Variants in HLA-DRB1 observed in about 807,000 individuals in gnomAD.
HLA-DRB1 encodes the protein major histocompatibility complex, class II, DR beta 1, also known as major histocompatibility complex, class II, DR beta 1 precursor.
Under a neutral mutation model 27.9 loss-of-function variants are expected in HLA-DRB1, and 10 were observed. That is an observed-to-expected ratio of 0.36 (90% confidence interval 0.22 to 0.61). The LOEUF (loss-of-function observed/expected upper bound fraction) is 0.61. HLA-DRB1 is among the 20% of genes least tolerant of loss of function. The pLI, the probability that HLA-DRB1 is intolerant of heterozygous loss-of-function variation, is 0.73. For missense variants in HLA-DRB1, 118 were observed against 306.3 expected (o/e 0.39, Z 4.59); for synonymous variants, 57 against 126.7 (o/e 0.45, Z 3.69).
At chr6:32,584,464 G>A in intron 1 of HLA-DRB1, 86 bp from the exon 2 acceptor site, 1 of 622,868 alleles carries the variant, frequency 1.6e-6, no homozygotes, top group South Asian at 1.9e-5. Flanking sequence ...TCCCTGAGCG[G>A]GGTGCGGGCG....
At chr6:32,587,957 G>T (rs1208383848) in intron 1 of HLA-DRB1, among the ~76,000 whole-genome samples, 2 of 141,842 alleles carry the variant, frequency 1.4e-5, no homozygotes, top group African/African-American at 2.6e-5. Context: ...ATAAACCAGG[G>T]TATGGGAACT....
At position 32,581,110 on chromosome 6, in the gene HLA-DRB1, T is replaced by C. The variant is rs28732303; in HGVS notation, c.653-254A>G. On this transcript the variant is annotated intron_variant, in intron 3 of 5. Coordinates refer to ENST00000360004, the Ensembl canonical transcript of HLA-DRB1. ...ATCTGATCCACAGAAAGCCTGAGACTCAATGAGGATAAGTAGTTTGTCTAG... is the reference window on the plus strand; with the variant it reads ...ATCTGATCCACAGAAAGCCTGAGACCCAATGAGGATAAGTAGTTTGTCTAG... 4.4e-3 allele frequency among the ~76,000 whole-genome samples: 331 copies of C among 75,508 alleles called. 1 individual carries two copies. The highest frequency in any genetic ancestry group is 0.012 in the Middle Eastern group (2 of 164). 49.5% of individuals were successfully genotyped at this position (75,508 alleles called of 152,430 possible).
At chr6:32,582,626 T>A in intron 2 of HLA-DRB1, among the ~76,000 whole-genome samples, 1 of 103,532 alleles carries the variant, frequency 9.7e-6, no homozygotes, top group Non-Finnish European at 2.0e-5. Context: ...AAAGCATGAG[T>A]CCTGAAGCAG....
At chr6:32,589,214 G>A (rs28357078) in intron 1 of HLA-DRB1, among the ~76,000 whole-genome samples, 73,778 of 110,042 alleles carry the variant, frequency 0.67, 26,757 homozygotes, top group Middle Eastern at 0.82. Context: ...GGTCCTGTGG[G>A]GAACCTAACA....
chr6:32,587,685 A>G (rs35632182), intron 1 of HLA-DRB1, among the ~76,000 whole-genome samples: 671 of 61,336 alleles, frequency 0.011, no homozygotes, highest in Non-Finnish European at 0.015. Context: ...TCTCAGGTGG[A>G]GCTCCCTAAC....
At chr6:32,588,854 C>G (rs34698520) in intron 1 of HLA-DRB1, among the ~76,000 whole-genome samples, 1 of 124,968 alleles carries the variant, frequency 8.0e-6, no homozygotes, top group Non-Finnish European at 1.7e-5. Context: ...AGTTAGAGCA[C>G]ATAGGAGATG....
chr6:32,586,112 C>T (rs9270056), intron 1 of HLA-DRB1, among the ~76,000 whole-genome samples: 23,380 of 108,144 alleles, frequency 0.22, 494 homozygotes, highest in Middle Eastern at 0.3. Flanking sequence ...TGAGTAGTCA[C>T]CACTGCACAC....
chr6:32,584,167 C>T (rs756577940), exon 2 of HLA-DRB1: 2 of 1,260,598 alleles, frequency 1.6e-6, no homozygotes, highest in Non-Finnish European at 2.2e-6. Context: ...AGTAGGTGTC[C>T]ACCGCGGCCC....
chr6:32,587,734 C>CCG (rs1340613101), intron 1 of HLA-DRB1, among the ~76,000 whole-genome samples: 134 of 116,050 alleles, frequency 1.2e-3, no homozygotes, highest in Non-Finnish European at 1.7e-3. Flanking sequence ...CTCTCTTTTT[C>CCG]ACAAACCTGA....
In HLA-DRB1 at chr6:32,584,433, A is replaced by T. The variant is rs1776081128; in HGVS notation, c.101-55T>A. 4 of 740,380 alleles carry T rather than the reference A, an allele frequency of 5.4e-6. No individual in the cohort carries two copies. In the Admixed American group the frequency reaches 1.1e-4, roughly 20 times the overall value. The allele number at this position is 740,380 out of a possible 1,614,324, so 45.9% of individuals were successfully genotyped here. ...GGCGGCCTCCTGAGAAGACACGGAC[A>T]GCGACGCCACCATCCGGGGCTCCCT... On this transcript the variant is annotated intron_variant, in intron 1 of 5. Transcript: ENST00000360004.
In HLA-DRB1 at chr6:32,585,296, A is replaced by G. The variant is rs907957356; in HGVS notation, c.101-918T>C. 4.0e-3 allele frequency among the ~76,000 whole-genome samples: 282 copies of G among 69,900 alleles called. 1 individual carries two copies. The highest frequency in any genetic ancestry group is 0.012 in the East Asian group (25 of 2,078). 45.9% of individuals were successfully genotyped at this position (69,900 alleles called of 152,430 possible). On this transcript the variant is annotated intron_variant, in intron 1 of 5. Coordinates refer to ENST00000360004, the Ensembl canonical transcript of HLA-DRB1. ...AAATTGTGTCAATAATTCAGACACA[A>G]TATAGTCACTACTCACTAATGATGG... is the stretch of plus-strand genomic sequence containing the variant.
intron 1 of HLA-DRB1, 144 bp from the exon 2 acceptor site, chr6:32,584,522 A>AGG: frequency 1.6e-6 from 1 of 606,992 alleles, no homozygotes; most frequent in Non-Finnish European, 2.8e-6. Flanking sequence ...CCTGCAGCCC[A>AGG]GGAGCTCATC....
chr6:32,578,888 C>T (rs3201069), exon 6 of HLA-DRB1: 6,233 of 418,044 alleles, frequency 0.015, 429 homozygotes, highest in African/African-American at 0.027. Context: ...GAAGATGAGG[C>T]GCTGCCATCA....
At chr6:32,585,594 A>C (rs1343703670) in intron 1 of HLA-DRB1, among the ~76,000 whole-genome samples, 74 of 126,428 alleles carry the variant, frequency 5.9e-4, no homozygotes, top group Admixed American at 1.2e-3. Context: ...ATTCTAAAGC[A>C]ATTAGTATCT....
intron 2 of HLA-DRB1, among the ~76,000 whole-genome samples, chr6:32,582,804 G>A (rs28724012): frequency 0.45 from 47,136 of 105,352 alleles, 11,607 homozygotes; most frequent in Middle Eastern, 0.61. Flanking sequence ...TCTGGGACTC[G>A]TTACTTGGGG....
At chr6:32,584,559 C>A (rs28724123) in intron 1 of HLA-DRB1, among the ~76,000 whole-genome samples, 181 bp from the exon 2 acceptor site, 1,824 of 138,314 alleles carry the variant, frequency 0.013, 78 homozygotes, top group South Asian at 0.045. Flanking sequence ...CGAACGGGGG[C>A]CTGGGGGACC....
intron 2 of HLA-DRB1, among the ~76,000 whole-genome samples, chr6:32,583,481 TG>T (rs68104513): frequency 0.48 from 22,315 of 46,600 alleles, 9,481 homozygotes; most frequent in Admixed American, 0.52. Flanking sequence ...ATATACACAC[TG>T]AAAAAAACAA....
At chr6:32,588,858 G>A (rs35331833) in intron 1 of HLA-DRB1, among the ~76,000 whole-genome samples, 29,072 of 113,260 alleles carry the variant, frequency 0.26, 4,576 homozygotes, top group East Asian at 0.37. Flanking sequence ...AGAGCACATA[G>A]GAGATGCAAG....
At position 32,579,598 on chromosome 6, in the gene HLA-DRB1, C is replaced by T. The variant is rs1162401268; in HGVS notation, c.788-494G>A. On this transcript the variant is annotated intron_variant, in intron 5 of 5. Transcript: ENST00000360004. ...TTTTATTCCTGTATTTGTCCCTGCCCATGTCCTGCAGATTGGTCCATTTTA... is the reference window on the plus strand; with the variant it reads ...TTTTATTCCTGTATTTGTCCCTGCCTATGTCCTGCAGATTGGTCCATTTTA... 9.5e-5 allele frequency among the ~76,000 whole-genome samples: 6 copies of T among 63,056 alleles called. 3 individuals are homozygous for T. The highest frequency in any genetic ancestry group is 1.9e-4 in the Non-Finnish European group (6 of 30,874). 41.4% of individuals were successfully genotyped at this position (63,056 alleles called of 152,430 possible).
Sources: allele counts gnomAD v4.1 joint callset (sites outside exome capture counted in the v4.1 genomes callset), GRCh38; gene constraint gnomAD v4.1.1; transcripts MANE v1.5; gene names NCBI Gene and HGNC (gene_info 2026-07-23, HGNC 2026-07-21).